PDE10A: variants seen among roughly 807,000 people sequenced by gnomAD.
PDE10A encodes phosphodiesterase 10A, also known as cAMP and cAMP-inhibited cGMP 3',5'-cyclic phosphodiesterase 10A.
A neutral mutation model predicts 97.7 loss-of-function variants in PDE10A; 39 were observed. The ratio of observed to expected loss-of-function variants is 0.40; its 90% CI spans 0.31 to 0.52. The LOEUF (loss-of-function observed/expected upper bound fraction) is 0.52, where lower values mean the gene tolerates loss of function less well. PDE10A is among the 20% of genes least tolerant of loss of function. The pLI, the probability that PDE10A is intolerant of heterozygous loss-of-function variation, is 0.56. For synonymous variants in PDE10A, 371 were observed against 376.8 expected, an observed-to-expected ratio of 0.98 and a Z score of 0.18; for missense variants, 731 against 1,047.8, an observed-to-expected ratio of 0.70 and a Z score of 4.17.
At chr6:165,471,518 T>G (rs2128272038) in intron 3 of PDE10A, among the ~76,000 whole-genome samples, 1 of 152,264 alleles carries the variant, frequency 6.6e-6, no homozygotes, top group South Asian at 2.1e-4. Flanking sequence ...CATCTCCAAC[T>G]TAGCACATCC....
intron 1 of PDE10A, among the ~76,000 whole-genome samples, chr6:165,562,450 C>A (rs1321265647): frequency 6.6e-6 from 1 of 152,030 alleles, no homozygotes; most frequent in Non-Finnish European, 1.5e-5. Flanking sequence ...CAACTTAAGA[C>A]AAAGATGAAA....
At position 165,881,397 on chromosome 6, in the gene PDE10A, T is replaced by C. The variant is rs60525414; in HGVS notation, c.-615+106132A>G. On this transcript the variant is annotated intron_variant, in intron 1 of 19. Transcript: ENST00000366882. ...TTTCTTTTCTTTTTTCTTTTCTTTT[T>C]TTTTTTTTTTTTTTTTTGAGATGGA... is the stretch of plus-strand genomic sequence containing the variant. Among the ~76,000 whole-genome samples, 107 of 11,750 alleles carry C rather than the reference T, an allele frequency of 9.1e-3. 1 individual carries two copies. The highest frequency in any genetic ancestry group is 0.036 in the Middle Eastern group (1 of 28). 7.7% of individuals were successfully genotyped at this position (11,750 alleles called of 152,430 possible).
At chr6:165,540,874 C>A (rs1236683499) in intron 2 of PDE10A, among the ~76,000 whole-genome samples, 1 of 152,120 alleles carries the variant, frequency 6.6e-6, no homozygotes, top group Admixed American at 6.5e-5. Flanking sequence ...AAGGGATCTT[C>A]CCACCTCGGC....
chr6:165,338,439 T>C (rs1781775274), intron 20 of PDE10A, among the ~76,000 whole-genome samples: 1 of 152,184 alleles, frequency 6.6e-6, no homozygotes, highest in Non-Finnish European at 1.5e-5. Context: ...CTCAGAAATA[T>C]ATGACACCAC....
chr6:165,332,876 CTTAT>C lies in PDE10A; in HGVS notation c.*145_*148del, dbSNP rs1307351914. 2.7e-5 allele frequency: 17 copies of C among 631,058 alleles called. No individual in the cohort carries two copies. In the East Asian group the frequency reaches 4.5e-4, roughly 17 times the overall value. The allele number at this position is 631,058 out of a possible 1,614,324, so 39.1% of individuals were successfully genotyped here. A position where few individuals can be genotyped will look rare whatever the true frequency, so the allele number is the denominator to read the frequency against. On this transcript the variant is annotated 3_prime_UTR_variant, in exon 22 of 22. Coordinates refer to ENST00000539869, the MANE Select transcript of PDE10A (RefSeq NM_001385079.1). ...GATTGGCAGGAAGTCCTCTGCTTGA[CTTAT>C]TTATTTGATGTTACCTTCTTGAAGA...
chr6:165,549,491 AT>A (rs1167056275), intron 1 of PDE10A, among the ~76,000 whole-genome samples: 1 of 151,864 alleles, frequency 6.6e-6, no homozygotes, highest in Non-Finnish European at 1.5e-5. Flanking sequence ...CGCCCGGCCA[AT>A]TTTTTGTATT....
At chr6:165,537,251 A>G (rs764340390) in intron 2 of PDE10A, among the ~76,000 whole-genome samples, 3 of 152,044 alleles carry the variant, frequency 2.0e-5, no homozygotes, top group Admixed American at 6.5e-5. Context: ...ACGAAGGAAG[A>G]GAGTAGATTG....
At chr6:165,618,104 T>C (rs1248365761) in intron 1 of PDE10A, among the ~76,000 whole-genome samples, 1 of 152,126 alleles carries the variant, frequency 6.6e-6, no homozygotes, top group South Asian at 2.1e-4. Context: ...ACAGCAAAAA[T>C]AGGTCATTAA....
rs961786553 is a variant in PDE10A, at chr6:165,655,558, C to T, written c.865+6389G>A. On this transcript the variant is annotated intron_variant, in intron 1 of 21. Coordinates refer to ENST00000539869, the MANE Select transcript of PDE10A (RefSeq NM_001385079.1). The surrounding 1 kb of genome is among the most constrained non-coding windows in gnomAD (Gnocchi z 4.5). ...CCTCCAAACACCTCCTGAACCACCG[C>T]GGCATTTTGCTTCTACCATCATCGC... 1.3e-5 allele frequency among the ~76,000 whole-genome samples: 2 copies of T among 152,078 alleles called. No individual in the cohort carries two copies. Among genetic ancestry groups the T allele is most frequent in the Non-Finnish European group, 2.9e-5 (2 of 68,016 alleles).
At chr6:165,741,323 T>A (rs1792715001) in intron 1 of PDE10A, among the ~76,000 whole-genome samples, 1 of 152,194 alleles carries the variant, frequency 6.6e-6, no homozygotes, top group African/African-American at 2.4e-5. Context: ...TGAAAAATTA[T>A]TGCCTGAAAA....
chr6:165,335,750 G>A (rs1418004003), intron 21 of PDE10A, among the ~76,000 whole-genome samples: 3 of 151,932 alleles, frequency 2.0e-5, no homozygotes, highest in Non-Finnish European at 2.9e-5. Flanking sequence ...CAGACTGAAC[G>A]TGGGCATAAG....
Position 165,492,568 on chromosome 6 carries a change from A to G in PDE10A, c.995-10225T>C, listed in dbSNP as rs144171307. 1.8e-3 allele frequency among the ~76,000 whole-genome samples: 267 copies of G among 152,332 alleles called. 1 individual carries two copies. The highest frequency in any genetic ancestry group is 6.1e-3 in the African/African-American group (252 of 41,582). ...AGTCAATAAATGTGATACACCACATAAACAGAATCAAAAACAAAAATCACA... is the reference window on the plus strand; with the variant it reads ...AGTCAATAAATGTGATACACCACATGAACAGAATCAAAAACAAAAATCACA... On this transcript the variant is annotated intron_variant, in intron 2 of 21. Coordinates refer to ENST00000539869, the MANE Select transcript of PDE10A (RefSeq NM_001385079.1).
rs182904675 is a variant in PDE10A, at chr6:165,488,671, T to A, written c.995-6328A>T. 3.6e-3 allele frequency among the ~76,000 whole-genome samples: 545 copies of A among 152,164 alleles called. 6 individuals carry two copies. Among genetic ancestry groups the A allele is most frequent in the Non-Finnish European group, 2.2e-3 (147 of 67,988 alleles). ...AGGAACTGTGGGTTCACTTGCTTTC[T>A]CAGATGGAGGCTTGTACCCTGGGGC... On this transcript the variant is annotated intron_variant, in intron 2 of 21. Transcript: ENST00000539869.
rs903394994 is a variant in PDE10A at position 165,799,004 on chromosome 6, G to A, written c.-615+188525C>T. 7.9e-5 allele frequency among the ~76,000 whole-genome samples: 12 copies of A among 152,112 alleles called. No individual in the cohort carries two copies. The South Asian group carries it at 1.7e-3, about 21-fold the overall frequency. ...ATTATAGGCGTGAGTCACTGCACCC[G>A]GCCCCAATCAAATACTAAGAGGTAT... On this transcript the variant is annotated intron_variant, in intron 1 of 19. Coordinates refer to the PDE10A transcript ENST00000366882.
In PDE10A at chr6:165,899,689, G is replaced by T. The variant is rs567475833; in HGVS notation, c.-615+87840C>A. Among the ~76,000 whole-genome samples, 37 of 152,268 alleles carry T rather than the reference G, an allele frequency of 2.4e-4. 1 individual carries two copies. The South Asian group carries it at 7.5e-3, about 31-fold the overall frequency. On this transcript the variant is annotated intron_variant, in intron 1 of 19. Coordinates refer to the PDE10A transcript ENST00000366882. ...CTAAAGGGTGGTACCTGGGGCCTTGGCACCCGTGACCCGAAGCTGTGTGCG... is the reference window on the plus strand; with the variant it reads ...CTAAAGGGTGGTACCTGGGGCCTTGTCACCCGTGACCCGAAGCTGTGTGCG...
At chr6:165,921,444 G>A (rs1302043756) in intron 1 of PDE10A, among the ~76,000 whole-genome samples, 1 of 152,208 alleles carries the variant, frequency 6.6e-6, no homozygotes, top group Non-Finnish European at 1.5e-5. Context: ...AGTAAAGCCA[G>A]ATAATAAACA....
At chr6:165,421,627 T>A (rs1207017365) in intron 10 of PDE10A, among the ~76,000 whole-genome samples, 1 of 152,206 alleles carries the variant, frequency 6.6e-6, no homozygotes, top group South Asian at 2.1e-4. Context: ...GACAAAGGTA[T>A]GTTATCACAA....
At chr6:165,409,341 G>C (rs1787522238) in intron 13 of PDE10A, among the ~76,000 whole-genome samples, 1 of 152,140 alleles carries the variant, frequency 6.6e-6, no homozygotes, top group Non-Finnish European at 1.5e-5. Flanking sequence ...GACCTCAGGA[G>C]TTCGAGAATA....
chr6:165,382,737 T>C (rs868784005), intron 17 of PDE10A, among the ~76,000 whole-genome samples: 1 of 151,238 alleles, frequency 6.6e-6, no homozygotes, highest in East Asian at 2.0e-4. Flanking sequence ...ATAGTGATGA[T>C]TGATGATGAT....
Sources: gnomAD v4.1 joint callset for allele counts (sites outside exome capture counted in the v4.1 genomes callset) on GRCh38, gnomAD v4.1.1 for gene constraint, Gnocchi (gnomAD v3.1) non-coding constraint, MANE v1.5 for transcripts, NCBI Gene and HGNC (gene_info 2026-07-23, HGNC 2026-07-21) for gene names.